FAT3: variants seen among roughly 807,000 people sequenced by gnomAD.
The protein encoded by FAT3 is protocadherin Fat 3.
A neutral mutation model predicts 310.2 loss-of-function variants in FAT3; 95 were observed. That is an observed-to-expected ratio of 0.31 (90% CI 0.26 to 0.36). The LOEUF is 0.36. Ranked by LOEUF, FAT3 falls within the 10% of genes least tolerant of loss-of-function variation. FAT3 has a pLI of 1.00. For missense variants in FAT3, 5,408 were observed against 5,715.6 expected (o/e 0.95, Z 1.74); for synonymous variants, 2,314 against 2,192.9 (o/e 1.06, Z -1.54).
At chr11:92,493,116 T>A (rs577920570) in intron 2 of FAT3, among the ~76,000 whole-genome samples, 1 of 152,222 alleles carries the variant, frequency 6.6e-6, no homozygotes, top group East Asian at 1.9e-4. Flanking sequence ...ACGTTTCTCA[T>A]AGATGGGTTT....
chr11:92,371,671 C>T (rs1000410191), intron 2 of FAT3, among the ~76,000 whole-genome samples: 9 of 152,146 alleles, frequency 5.9e-5, no homozygotes, highest in South Asian at 4.2e-4. Flanking sequence ...AAGCAGAGAT[C>T]GTGCCACTGT....
chr11:92,355,020 C>G lies in FAT3; in HGVS notation c.2908C>G (p.Gln970Glu), dbSNP rs1948692697. The G allele has an allele frequency of 3.1e-6, 5 of 1,613,756 alleles. No homozygotes were observed. The highest frequency in any genetic ancestry group is 4.2e-6 in the Non-Finnish European group (5 of 1,179,862). ...TGATCCAGATCTTGGACTGGGGGGTCAAGTGCGCTATTCTTTGGTCAATGA... is the reference window on the plus strand; with the variant it reads ...TGATCCAGATCTTGGACTGGGGGGTGAAGTGCGCTATTCTTTGGTCAATGA... Reference protein sequence around the residue: ...THDPDLGLGGQVRYSLVNDYN... With the variant: ...THDPDLGLGGEVRYSLVNDYN... The change falls in exon 2 of 28, where the codon CAA becomes GAA. Residue 970 changes from glutamine to glutamate, a missense_variant. By Grantham distance (29) the Gln-to-Glu change is conservative. Around this residue, in one of 5 missense-constraint regions of FAT3, gnomAD observed 4,588 missense variants for 4,809.8 expected, o/e 0.95. Transcript: ENST00000525166.
At position 92,863,981 on chromosome 11, in the gene FAT3, A is replaced by G. The variant is rs528888692; in HGVS notation, c.11659-2760A>G. On this transcript the variant is annotated intron_variant, in intron 21 of 27. Transcript: ENST00000525166. The stretch of plus-strand genomic sequence containing the variant: ...AAATGATTTTTGTTTGTAAAAGGCT[A>G]AGAATCGTGTAGGCATCTGGCTTCC... Among the ~76,000 whole-genome samples the G allele has an allele frequency of 5.1e-4, 78 of 152,358 alleles. 2 individuals carry two copies. In the South Asian group the frequency reaches 0.016, roughly 30 times the overall value.
At chr11:92,540,924 A>G (rs1389245406) in intron 3 of FAT3, among the ~76,000 whole-genome samples, 1 of 152,036 alleles carries the variant, frequency 6.6e-6, no homozygotes, top group African/African-American at 2.4e-5. Context: ...GCATTTTTCT[A>G]GTTTCTAATA....
chr11:92,848,957 T>G (rs541635096), intron 19 of FAT3, among the ~76,000 whole-genome samples: 9 of 152,346 alleles, frequency 5.9e-5, no homozygotes, highest in African/African-American at 2.2e-4. Flanking sequence ...AGAACTGGTG[T>G]GCAATTCAGT....
chr11:92,709,536 A>T (rs943610141), intron 4 of FAT3, among the ~76,000 whole-genome samples: 10 of 152,180 alleles, frequency 6.6e-5, no homozygotes, highest in African/African-American at 2.4e-4. Context: ...CCGTAGGAGG[A>T]AGGGTCAGAT....
chr11:92,374,958 T>C (rs952330862), intron 2 of FAT3, among the ~76,000 whole-genome samples: 1 of 152,074 alleles, frequency 6.6e-6, no homozygotes, highest in Non-Finnish European at 1.5e-5. Flanking sequence ...ATCTCCCTGG[T>C]TTAGAGGAAT....
At chr11:92,367,216 CTG>C (rs1203341336) in intron 2 of FAT3, 1 of 314,026 alleles carries the variant, frequency 3.2e-6, no homozygotes, top group Non-Finnish European at 6.4e-6. Flanking sequence ...CATGCTCTCT[CTG>C]TGGTGGATCA....
At chr11:92,848,494 G>A (rs903790066) in intron 19 of FAT3, among the ~76,000 whole-genome samples, 2 of 152,102 alleles carry the variant, frequency 1.3e-5, no homozygotes, top group African/African-American at 4.8e-5. Flanking sequence ...CAGCCTATGG[G>A]GCCTTGTTGA....
chr11:92,679,137 C>T (rs904914866), intron 3 of FAT3, among the ~76,000 whole-genome samples: 1 of 152,014 alleles, frequency 6.6e-6, no homozygotes, highest in Non-Finnish European at 1.5e-5. Flanking sequence ...GATTTCATTC[C>T]TTTTATGGCT....
intron 2 of FAT3, among the ~76,000 whole-genome samples, chr11:92,517,847 A>G (rs1208919112): frequency 6.6e-6 from 1 of 152,134 alleles, no homozygotes; most frequent in Non-Finnish European, 1.5e-5. Flanking sequence ...AGACATTTAT[A>G]TGGCAAACAA....
At chr11:92,848,643 T>G (rs1200503728) in intron 19 of FAT3, among the ~76,000 whole-genome samples, 4 of 152,212 alleles carry the variant, frequency 2.6e-5, no homozygotes, top group South Asian at 4.1e-4. Flanking sequence ...GTGGAAGAAG[T>G]GGATGCCTGA....
rs528028338 is a variant in FAT3, at chr11:92,889,307, A to T, written c.13111+59A>T. The T allele has an allele frequency of 1.0e-3, 666 of 658,972 alleles. 7 individuals are homozygous for T. The South Asian group carries it at 0.011, about 11-fold the overall frequency. 40.8% of individuals were successfully genotyped at this position (658,972 alleles called of 1,614,324 possible). ...AAATTTTGCTTCCTTGTTACTTTGG[A>T]CTAGGAGTGATTTTAATGGATTGGC... On this transcript the variant is annotated intron_variant, in intron 26 of 27. Coordinates refer to ENST00000525166, the MANE Select transcript of FAT3 (RefSeq NM_001367949.2).
At chr11:92,812,850 C>T (rs1180914084) in intron 13 of FAT3, among the ~76,000 whole-genome samples, 1 of 152,060 alleles carries the variant, frequency 6.6e-6, no homozygotes, top group African/African-American at 2.4e-5. Context: ...GTGACCCCAC[C>T]CAAATCATAT....
chr11:92,651,372 G>C (rs960603449), intron 3 of FAT3, among the ~76,000 whole-genome samples: 2 of 152,178 alleles, frequency 1.3e-5, no homozygotes, highest in African/African-American at 4.8e-5. Context: ...ATGAGGGCCC[G>C]TTTGGGCTTG....
At position 92,783,548 on chromosome 11, in the gene FAT3, T is replaced by A. The variant is rs190792586; in HGVS notation, c.4336-6395T>A. Among the ~76,000 whole-genome samples, 557 of 149,284 alleles carry A rather than the reference T, an allele frequency of 3.7e-3. 3 individuals carry two copies. Among genetic ancestry groups the A allele is most frequent in the African/African-American group, 0.013 (530 of 40,742 alleles). On this transcript the variant is annotated intron_variant, in intron 7 of 27. Coordinates refer to ENST00000525166, the MANE Select transcript of FAT3 (RefSeq NM_001367949.2). Reference sequence around the variant, plus strand: ...ACAGCAAGGTGTGGCAGCTTATGCCTGTAATCCCAACACTTTGGGAGGCCA... The same window carrying A: ...ACAGCAAGGTGTGGCAGCTTATGCCAGTAATCCCAACACTTTGGGAGGCCA...
At position 92,790,023 on chromosome 11, in the gene FAT3, T is replaced by C; in HGVS notation, c.4416T>C (p.Asp1472=). ...ATTACGATGTGACAATTTCCGAGGA[T>C]GTGCTTCCAGACACGGAGATCCTGC... is the stretch of plus-strand genomic sequence containing the variant. ...QPNYDVTISE[D]VLPDTEILQI... is the part of the protein sequence containing the mutation. The change falls in exon 8 of 28, where the codon GAT becomes GAC. Residue 1472 remains aspartate, a synonymous_variant. Transcript: ENST00000525166. 6.2e-7 allele frequency: 1 copy of C among 1,613,840 alleles called. No individual in the cohort carries two copies. The highest frequency in any genetic ancestry group is 8.5e-7 in the Non-Finnish European group (1 of 1,179,762).
intron 2 of FAT3, among the ~76,000 whole-genome samples, chr11:92,521,538 C>T (rs1311075628): frequency 6.6e-6 from 1 of 152,002 alleles, no homozygotes; most frequent in Admixed American, 6.6e-5. Flanking sequence ...CGCATTTTGC[C>T]AAACTTTTGG....
chr11:92,805,027 T>C lies in FAT3; in HGVS notation c.8897-126T>C, dbSNP rs554035160. On this transcript the variant is annotated intron_variant, in intron 10 of 27. Transcript: ENST00000525166. ...GAATCAAAGGGAGTCTCAGTATCTT[T>C]GTAGTATCCTAAATGATACAGTTTA... The C allele has an allele frequency of 9.6e-6, 8 of 834,892 alleles. No individual in the cohort carries two copies. In the East Asian group the frequency reaches 1.9e-4, roughly 20 times the overall value. The allele number at this position is 834,892 out of a possible 1,614,324, so 51.7% of individuals were successfully genotyped here.
Sources: gnomAD v4.1 joint callset for allele counts (sites outside exome capture counted in the v4.1 genomes callset) on GRCh38, gnomAD v4.1.1 for gene constraint, gnomAD v4.1.1 regional missense constraint, MANE v1.5 for transcripts, NCBI Gene and HGNC (gene_info 2026-07-23, HGNC 2026-07-21) for gene names.